Variants in MYOM2 observed in about 807,000 individuals in gnomAD.
MYOM2 encodes myomesin 2, also known as myomesin-2.
MYOM2 carries 254 observed loss-of-function variants against 187.6 expected under a neutral mutation model. That is an observed-to-expected ratio of 1.35 (90% CI 1.22 to 1.50). The LOEUF is 1.50. Ranked by LOEUF, MYOM2 falls within the 40% of genes most tolerant of loss-of-function variation. The pLI, the probability that MYOM2 is intolerant of heterozygous loss-of-function variation, is 0.00. For missense variants in MYOM2, 2,796 were observed against 1,924.0 expected, an observed-to-expected ratio of 1.45 and a Z score of -8.48; for synonymous variants, 981 against 753.8, an observed-to-expected ratio of 1.30 and a Z score of -4.94.
intron 8 of MYOM2, among the ~76,000 whole-genome samples, chr8:2,071,841 G>A (rs775686577): frequency 6.6e-6 from 1 of 152,144 alleles, no homozygotes; most frequent in Non-Finnish European, 1.5e-5. Context: ...ACCTGCTCAC[G>A]GTGTCCTCAC....
intron 16 of MYOM2, among the ~76,000 whole-genome samples, 183 bp from the exon 17 acceptor site, chr8:2,093,787 A>T (rs1796387198): frequency 6.6e-6 from 1 of 152,250 alleles, no homozygotes; most frequent in Non-Finnish European, 1.5e-5. Context: ...CTCCTGCTAT[A>T]ATTAGGTGCT....
intron 13 of MYOM2, chr8:2,081,733 T>C (rs990088345): frequency 3.3e-5 from 5 of 152,800 alleles, no homozygotes; most frequent in East Asian, 1.9e-4. Flanking sequence ...TGAGACATGA[T>C]TGTGGTGGGG....
intron 13 of MYOM2, among the ~76,000 whole-genome samples, chr8:2,080,016 A>G (rs1563438656): frequency 6.6e-6 from 1 of 152,230 alleles, no homozygotes; most frequent in African/African-American, 2.4e-5. Context: ...TATTCCTGAC[A>G]TTTTAACTGA....
rs1796049814 is a variant in MYOM2 at position 2,086,353 on chromosome 8, CGTGGCCTCCCACTGTTGTGATCTCT to C, written c.1644+965_1644+989del. Reference sequence around the variant, plus strand: ...TGGCCCCCCACTGTTGTGATCTCTGCGTGGCCTCCCACTGTTGTGATCTCTGCGTGGCCTCCCACTGTTGTGATCT... The same window carrying C: ...TGGCCCCCCACTGTTGTGATCTCTGCGCGTGGCCTCCCACTGTTGTGATCT... On this transcript the variant is annotated intron_variant, in intron 14 of 36. Coordinates refer to ENST00000262113, the MANE Select transcript of MYOM2 (RefSeq NM_003970.4). Among the ~76,000 whole-genome samples, 4 of 45,816 alleles carry C rather than the reference CGTGGCCTCCCACTGTTGTGATCTCT, an allele frequency of 8.7e-5. 1 individual carries two copies. In the Admixed American group the frequency reaches 1.1e-3, roughly 12 times the overall value. The allele number at this position is 45,816 out of a possible 152,430, so 30.1% of individuals were successfully genotyped here. A position where few individuals can be genotyped will look rare whatever the true frequency, so the allele number is the denominator to read the frequency against.
chr8:2,126,494 T>A (rs1241360549), intron 31 of MYOM2, among the ~76,000 whole-genome samples: 1 of 151,888 alleles, frequency 6.6e-6, no homozygotes, highest in East Asian at 1.9e-4. Context: ...ATGCACACAC[T>A]TACATGTGAA....
chr8:2,075,222 A>C lies in MYOM2; in HGVS notation c.1121-919A>C, dbSNP rs563471916. The stretch of plus-strand genomic sequence containing the variant: ...AGGTTAGACACTCCCGCCAAGTTTC[A>C]CTGCTGTTGTTAGGCGGGCGTTAAA... On this transcript the variant is annotated intron_variant, in intron 10 of 36. Coordinates refer to ENST00000262113, the MANE Select transcript of MYOM2 (RefSeq NM_003970.4). Among the ~76,000 whole-genome samples, 251 of 152,258 alleles carry C rather than the reference A, an allele frequency of 1.6e-3. 4 individuals carry two copies. Among genetic ancestry groups the C allele is most frequent in the South Asian group, 6.0e-3 (29 of 4,822 alleles).
At chr8:2,053,686 C>T (rs932260934) in intron 3 of MYOM2, among the ~76,000 whole-genome samples, 3 of 152,200 alleles carry the variant, frequency 2.0e-5, no homozygotes, top group Non-Finnish European at 2.9e-5. Flanking sequence ...ATTTGAGTGA[C>T]TGGTGAAGGG....
At chr8:2,099,244 C>T (rs4317603) in intron 19 of MYOM2, among the ~76,000 whole-genome samples, 20,447 of 152,238 alleles carry the variant, frequency 0.13, 1,532 homozygotes, top group East Asian at 0.24. Flanking sequence ...GGAGGGAGCA[C>T]AGGAGGACCC....
At chr8:2,108,944 C>G in intron 24 of MYOM2, 114 bp downstream of exon 24, 2 of 998,278 alleles carry the variant, frequency 2.0e-6, no homozygotes, top group Non-Finnish European at 3.1e-6. Context: ...GCCTGATTTC[C>G]TGATCCCAGC....
intron 31 of MYOM2, among the ~76,000 whole-genome samples, chr8:2,128,061 T>C (rs55641345): frequency 0.096 from 14,629 of 152,268 alleles, 769 homozygotes; most frequent in Middle Eastern, 0.17. Flanking sequence ...ATAGATGTTA[T>C]ATTAACATTC....
intron 27 of MYOM2, among the ~76,000 whole-genome samples, chr8:2,116,813 G>A (rs1019168353): frequency 1.3e-4 from 20 of 151,950 alleles, no homozygotes; most frequent in Admixed American, 7.9e-4. Flanking sequence ...GCTGGAGTGC[G>A]GTGATGCCAT....
chr8:2,085,570 CCA>C lies in MYOM2; in HGVS notation c.1644+182_1644+183del. Reference sequence around the variant, plus strand: ...CCACTGTCATGATCTCTGCGTGGCCCCACTGTTGTGATCTCTGCGTGGCCCCA... The same window carrying C: ...CCACTGTCATGATCTCTGCGTGGCCCCTGTTGTGATCTCTGCGTGGCCCCA... On this transcript the variant is annotated intron_variant, in intron 14 of 36. Coordinates refer to ENST00000262113, the MANE Select transcript of MYOM2 (RefSeq NM_003970.4). Among the ~76,000 whole-genome samples the C allele has an allele frequency of 1.0e-4, 2 of 19,258 alleles. 1 individual carries two copies. The highest frequency in any genetic ancestry group is 1.7e-4 in the Non-Finnish European group (2 of 11,578). The allele number at this position is 19,258 out of a possible 152,430, so 12.6% of individuals were successfully genotyped here.
chr8:2,049,684 T>C (rs1409479517), intron 1 of MYOM2, among the ~76,000 whole-genome samples: 1 of 152,200 alleles, frequency 6.6e-6, no homozygotes, highest in African/African-American at 2.4e-5. Flanking sequence ...GAGCTCAGGT[T>C]GTGAGTCCTT....
At position 2,117,922 on chromosome 8, in the gene MYOM2, G is replaced by A. The variant is rs753501689; in HGVS notation, c.3423G>A (p.Thr1141=). ...CTGAGTACTTGCACTGGGATGTCAC[G>A]GAAGAATGTGAAGTTCGACTTGTTT... is the stretch of plus-strand genomic sequence containing the variant. ...HFAEYLHWDV[T]EECEVRLVCK... The change falls in exon 28 of 37, where the codon ACG becomes ACA. Residue 1141 remains threonine, a synonymous_variant. Transcript: ENST00000262113. 64 of 1,612,936 alleles carry A rather than the reference G, an allele frequency of 4.0e-5. No homozygotes were observed. The highest frequency in any genetic ancestry group is 1.6e-4 in the East Asian group (7 of 44,852).
chr8:2,094,191 GA>G lies in MYOM2; in HGVS notation c.2125+104del, dbSNP rs541518724. ...TGCCATTTGGAATGTCATTGAAGGG[GA>G]AAAGGGGACTAAATTCCTGAACAGA... On this transcript the variant is annotated intron_variant, in intron 17 of 36. Transcript: ENST00000262113. 550 of 1,446,536 alleles carry G rather than the reference GA, an allele frequency of 3.8e-4. 3 individuals carry two copies. The South Asian group carries it at 7.1e-3, about 19-fold the overall frequency. The allele number at this position is 1,446,536 out of a possible 1,614,324, so 89.6% of individuals were successfully genotyped here. A position where few individuals can be genotyped will look rare whatever the true frequency, so the allele number is the denominator to read the frequency against.
chr8:2,112,498 T>C (rs576524799), intron 25 of MYOM2, among the ~76,000 whole-genome samples: 1 of 151,182 alleles, frequency 6.6e-6, no homozygotes, highest in Non-Finnish European at 1.5e-5. Flanking sequence ...CACAGGGAAG[T>C]GGAGGGGTGG....
At chr8:2,085,442 C>A (rs1819787876) in intron 14 of MYOM2, 52 bp downstream of exon 14, 8 of 1,592,940 alleles carry the variant, frequency 5.0e-6, no homozygotes, top group Non-Finnish European at 6.0e-6. Context: ...TGGCCCCCCA[C>A]TGTCATGATC....
chr8:2,085,431 A>ATGGCCCCCCACTGTCGTGATCTCTGTG (rs1819785645), intron 14 of MYOM2, 41 bp downstream of exon 14: 4 of 1,519,924 alleles, frequency 2.6e-6, no homozygotes, highest in African/African-American at 1.6e-5. Context: ...AGATCTCTGC[A>ATGGCCCCCCACTGTCGTGATCTCTGTG]TGGCCCCCCA....
Position 2,098,946 on chromosome 8 carries a change from G to T in MYOM2, c.2403G>T (p.Glu801Asp), listed in dbSNP as rs758061651. 4.3e-6 allele frequency: 7 copies of T among 1,613,600 alleles called. No homozygotes were observed. The highest frequency in any genetic ancestry group is 5.9e-6 in the Non-Finnish European group (7 of 1,179,836). The change falls in exon 19 of 37, where the codon GAG (glutamate) becomes GAT (aspartate). Residue 801 changes from glutamate to aspartate, a missense_variant. Transcript: ENST00000262113. ...TCGGGGAGCCCTCAGATCCCAGTGA[G>T]CACTTCAAGTGTGAGGCCTGGACCA... ...AGIGEPSDPS[E>D]HFKCEAWTMP...
Sources: allele counts gnomAD v4.1 joint callset (sites outside exome capture counted in the v4.1 genomes callset), GRCh38; gene constraint gnomAD v4.1.1; transcripts MANE v1.5; gene names NCBI Gene and HGNC (gene_info 2026-07-23, HGNC 2026-07-21).